The following CFAP74 variants were observed in gnomAD, a reference collection of about 807,000 sequenced individuals.
CFAP74 encodes cilia and flagella associated protein 74.
In CFAP74, 124 loss-of-function variants were observed where a neutral mutation model predicts 188.9. The ratio of observed to expected loss-of-function variants is 0.66; its 90% CI spans 0.57 to 0.76. The LOEUF (loss-of-function observed/expected upper bound fraction) is 0.76, where lower values mean the gene tolerates loss of function less well. CFAP74 is among the 30% of genes least tolerant of loss of function. The pLI is 0.00. For missense variants in CFAP74, 2,198 were observed against 2,165.2 expected (o/e 1.02, Z -0.30); for synonymous variants, 956 against 916.7 (o/e 1.04, Z -0.77).
intron 6 of CFAP74, among the ~76,000 whole-genome samples, chr1:1,980,964 G>A (rs1046614503): frequency 1.3e-5 from 2 of 152,246 alleles, no homozygotes; most frequent in Non-Finnish European, 2.9e-5. Flanking sequence ...TGCTGGGGAA[G>A]GTTCAGGTGC....
At chr1:1,932,209 A>T (rs1367828825) in intron 25 of CFAP74, among the ~76,000 whole-genome samples, 1 of 151,964 alleles carries the variant, frequency 6.6e-6, no homozygotes, top group East Asian at 1.9e-4. Context: ...ATCCTGGCTA[A>T]CATGGTGAAA....
chr1:1,923,522 C>A lies in CFAP74; in HGVS notation c.4390-23G>T. On this transcript the variant is annotated intron_variant, in intron 35 of 38. Transcript: ENST00000682832. The surrounding 1 kb of genome is among the most constrained non-coding windows in gnomAD (Gnocchi z 6.3). ...TTTCTGGGGACAAGAAGTGGAGTGG[C>A]CTTGTCCCCGAAGCTCGGCGGCAGG... 1 of 1,598,498 alleles carries A rather than the reference C, an allele frequency of 6.3e-7. No individual in the cohort carries two copies. Among genetic ancestry groups the A allele is most frequent in the Non-Finnish European group, 8.6e-7 (1 of 1,169,042 alleles).
At chr1:1,940,238 G>T in intron 23 of CFAP74, 78 bp downstream of exon 23, 1 of 1,172,196 alleles carries the variant, frequency 8.5e-7, no homozygotes. Flanking sequence ...CCTCGCCCGG[G>T]TGCTGGGCCT....
At chr1:1,995,424 G>A (rs757344624) in intron 1 of CFAP74, among the ~76,000 whole-genome samples, 7 of 151,584 alleles carry the variant, frequency 4.6e-5, no homozygotes, top group East Asian at 1.9e-4. Context: ...CCCGGGAGGC[G>A]GAGGTTGCAG....
Position 1,979,654 on chromosome 1 carries a change from C to A in CFAP74, c.501-5456G>T, listed in dbSNP as rs1169585476. Among the ~76,000 whole-genome samples, 35 of 54,332 alleles carry A rather than the reference C, an allele frequency of 6.4e-4. 5 individuals are homozygous for A. Among genetic ancestry groups the A allele is most frequent in the Non-Finnish European group, 1.0e-3 (28 of 26,702 alleles). 35.6% of individuals were successfully genotyped at this position (54,332 alleles called of 152,430 possible). ...ACGAGGCTGCGCAGAACACGTGTGT[C>A]GTGCTGAGCTGGGCGTGGGAAGGTG... On this transcript the variant is annotated intron_variant, in intron 6 of 38. Coordinates refer to ENST00000682832, the MANE Select transcript of CFAP74 (RefSeq NM_001304360.2).
chr1:1,924,965 C>CGTGCGAAGGCATGAGGGCACACGCTG (rs1195684197), intron 33 of CFAP74, among the ~76,000 whole-genome samples: 76 of 152,006 alleles, frequency 5.0e-4, no homozygotes, highest in African/African-American at 1.8e-3. Flanking sequence ...GACCCACACT[C>CGTGCGAAGGCATGAGGGCACACGCTG]GTGCGAAGGC....
Position 1,946,298 on chromosome 1 carries a change from T to C in CFAP74, c.2364+19A>G. 4 of 1,528,238 alleles carry C rather than the reference T, an allele frequency of 2.6e-6. No individual in the cohort carries two copies. Among genetic ancestry groups the C allele is most frequent in the Non-Finnish European group, 3.5e-6 (4 of 1,141,608 alleles). The allele number at this position is 1,528,238 out of a possible 1,614,324, so 94.7% of individuals were successfully genotyped here. On this transcript the variant is annotated intron_variant, in intron 20 of 38. Coordinates refer to ENST00000682832, the MANE Select transcript of CFAP74 (RefSeq NM_001304360.2). Reference sequence around the variant, plus strand: ...CAGGGGCCAGGGTGTGTGCGTGGCGTGGCAGCAGGAATACTCACCGTGGGG... The same window carrying C: ...CAGGGGCCAGGGTGTGTGCGTGGCGCGGCAGCAGGAATACTCACCGTGGGG...
At chr1:1,992,948 C>T (rs1276051540) in intron 1 of CFAP74, among the ~76,000 whole-genome samples, 1 of 151,628 alleles carries the variant, frequency 6.6e-6, no homozygotes, top group South Asian at 2.1e-4. Flanking sequence ...CGCTTATAAT[C>T]CCAGCACTTT....
rs1334062223 is a variant in CFAP74 at position 1,955,775 on chromosome 1, C to T, written c.2092G>A (p.Gly698Ser). Residue 698 changes from glycine to serine, a missense_variant, in exon 18 of 39, where the codon GGC becomes AGC. Transcript: ENST00000682832. The stretch of plus-strand genomic sequence containing the variant: ...ATGTCCGCCTGGGAGGACTCCGTGC[C>T]CTCTAGCTGCTGCTCAGAGAAGCTG... ...ATSFSEQQLE[G>S]TESSQADMQS... 6.2e-7 allele frequency: 1 copy of T among 1,614,236 alleles called. No homozygotes were observed. The highest frequency in any genetic ancestry group is 1.1e-5 in the South Asian group (1 of 91,090).
chr1:1,940,348 C>G lies in CFAP74; in HGVS notation c.2671G>C (p.Glu891Gln), dbSNP rs752129288. The G allele has an allele frequency of 6.5e-7, 1 of 1,535,812 alleles. No individual in the cohort carries two copies. The highest frequency in any genetic ancestry group is 1.7e-4 in the Middle Eastern group (1 of 5,964). ...RYFDKETRVL[E>Q]APMTIWVADQ... The stretch of plus-strand genomic sequence containing the variant: ...GCAACCCATATGGTCATCGGGGCCT[C>G]CAGGACTCGGGTCTCCTTGTCAAAA... Residue 891 changes from glutamate (E) to glutamine (Q), a missense_variant, in exon 23 of 39, where the codon GAG (glutamate) becomes CAG (glutamine). By Grantham distance (29) the Glu-to-Gln change is conservative. Transcript: ENST00000682832.
intron 14 of CFAP74, among the ~76,000 whole-genome samples, chr1:1,962,284 T>C (rs1207268830): frequency 6.6e-6 from 1 of 152,038 alleles, no homozygotes; most frequent in Non-Finnish European, 1.5e-5. Flanking sequence ...ATGACCAGCC[T>C]GGCCAACATG....
In CFAP74 at chr1:1,928,858, G is replaced by A. The variant is rs1306891791; in HGVS notation, c.3313C>T (p.Arg1105Trp). 23 of 1,535,498 alleles carry A rather than the reference G, an allele frequency of 1.5e-5. No homozygotes were observed. Among genetic ancestry groups the A allele is most frequent in the East Asian group, 4.9e-5 (2 of 40,916 alleles). ...GKRCLVQVAFRPVLPEKLIRQ... is the reference protein window; with the variant it reads ...GKRCLVQVAFWPVLPEKLIRQ... ...ATCAGCTTCTCGGGCAGCACTGGCC[G>A]GAAGGCCACCTGGACCAGGCACCTC... The change falls in exon 27 of 39, where the codon CGG becomes TGG. Residue 1105 changes from arginine to tryptophan, a missense_variant. Physicochemically the swap from Arg to Trp is moderately radical, Grantham distance 101 (BLOSUM62 -3). Transcript: ENST00000682832.
At chr1:1,991,471 C>T (rs999631421) in intron 1 of CFAP74, among the ~76,000 whole-genome samples, 12 of 152,078 alleles carry the variant, frequency 7.9e-5, no homozygotes, top group Non-Finnish European at 1.5e-4. Flanking sequence ...GGTGTGGTGG[C>T]GCATGCCTAT....
At chr1:1,957,616 T>C (rs758386784) in intron 16 of CFAP74, among the ~76,000 whole-genome samples, 7 of 152,094 alleles carry the variant, frequency 4.6e-5, no homozygotes, top group Non-Finnish European at 8.8e-5. Flanking sequence ...AAAGACCAAA[T>C]GCGGGAGAGG....
chr1:1,938,994 A>C lies in CFAP74; in HGVS notation c.2878-6T>G. 6.5e-7 allele frequency: 1 copy of C among 1,535,810 alleles called. No individual in the cohort carries two copies. The highest frequency in any genetic ancestry group is 8.7e-7 in the Non-Finnish European group (1 of 1,146,608). Reference sequence around the variant, plus strand: ...TTGGGTTGGACGTCCACAAACTGGAAATAGAAGAGTGCTCTGAGGGCATGT... The same window carrying C: ...TTGGGTTGGACGTCCACAAACTGGACATAGAAGAGTGCTCTGAGGGCATGT... On this transcript the variant is annotated splice_polypyrimidine_tract_variant and splice_region_variant and intron_variant, in intron 24 of 38. Transcript: ENST00000682832.
rs183051241 is a variant in CFAP74, at chr1:1,948,345, A to T, written c.2177-1291T>A. ...TGGAGTGCAGTGGTGCGATCACTGCACCCTGCAGCCTCGGCCTCCTGGTTT... is the reference window on the plus strand; with the variant it reads ...TGGAGTGCAGTGGTGCGATCACTGCTCCCTGCAGCCTCGGCCTCCTGGTTT... On this transcript the variant is annotated intron_variant, in intron 18 of 38. Transcript: ENST00000682832. Among the ~76,000 whole-genome samples the T allele has an allele frequency of 1.2e-3, 185 of 148,978 alleles. 2 individuals are homozygous for T. The highest frequency in any genetic ancestry group is 4.4e-3 in the African/African-American group (176 of 40,036).
chr1:1,946,946 T>C, intron 19 of CFAP74, 44 bp downstream of exon 19: 1 of 1,435,086 alleles, frequency 7.0e-7, no homozygotes, highest in Non-Finnish European at 9.5e-7. Context: ...AGGTGGGCGG[T>C]GTCTTGGATC....
chr1:1,973,080 C>T lies in CFAP74; in HGVS notation c.675-33G>A, dbSNP rs902469871. The T allele has an allele frequency of 1.3e-5, 19 of 1,491,506 alleles. No homozygotes were observed. Among genetic ancestry groups the T allele is most frequent in the East Asian group, 2.3e-5 (1 of 43,606 alleles). 92.4% of individuals were successfully genotyped at this position (1,491,506 alleles called of 1,614,324 possible). A position where few individuals can be genotyped will look rare whatever the true frequency, so the allele number is the denominator to read the frequency against. ...GATATGGGGCCGTCAGAGGGAAACT[C>T]GGCATCACACGTCCCATCTGCCCCC... On this transcript the variant is annotated intron_variant, in intron 7 of 38. Transcript: ENST00000682832. The surrounding 1 kb of genome is among the most constrained non-coding windows in gnomAD (Gnocchi z 6.2).
rs1329925211 is a variant in CFAP74 at position 1,988,973 on chromosome 1, T to C, written c.68A>G (p.Glu23Gly). Residue 23 changes from glutamate (E) to glycine (G), a missense_variant and splice_region_variant, in exon 3 of 39, where the codon GAA becomes GGA. By Grantham distance (98) the Glu-to-Gly change is moderately conservative (BLOSUM62 -2). Coordinates refer to ENST00000682832, the MANE Select transcript of CFAP74 (RefSeq NM_001304360.2). ...LLADALLLED[E>G]RDELEDPEFD... is the part of the protein sequence containing the mutation. ...CTCCGGATCCTCTAATTCATCTCTT[T>C]CTAGAAATCAAGGCAAGAGTTTAAA... is the stretch of plus-strand genomic sequence containing the variant. 5.4e-6 allele frequency: 8 copies of C among 1,487,180 alleles called. No individual in the cohort carries two copies. Among genetic ancestry groups the C allele is most frequent in the Non-Finnish European group, 6.5e-6 (7 of 1,082,118 alleles). 92.1% of individuals were successfully genotyped at this position (1,487,180 alleles called of 1,614,324 possible).
Sources: gnomAD v4.1 joint callset for allele counts (sites outside exome capture counted in the v4.1 genomes callset) on GRCh38, gnomAD v4.1.1 for gene constraint, Gnocchi (gnomAD v3.1) non-coding constraint, MANE v1.5 for transcripts, NCBI Gene and HGNC (gene_info 2026-07-23, HGNC 2026-07-21) for gene names.